Variants in FAM20C observed in about 807,000 individuals in gnomAD.
The protein encoded by FAM20C is extracellular serine/threonine protein kinase FAM20C.
FAM20C carries 40 observed loss-of-function variants against 51.5 expected under a neutral mutation model. The observed-to-expected ratio is 0.78, with a 90% CI of 0.60 to 1.01. The LOEUF (loss-of-function observed/expected upper bound fraction) is 1.01, where lower values mean the gene tolerates loss of function less well. Ranked by LOEUF, FAM20C falls within the 50% of genes least tolerant of loss-of-function variation. FAM20C has a pLI of 0.00. For synonymous variants in FAM20C, 406 were observed against 380.6 expected (o/e 1.07, Z -0.78); for missense variants, 861 against 844.7 (o/e 1.02, Z -0.24).
chr7:241,692 A>C (rs1787951444), intron 3 of FAM20C, among the ~76,000 whole-genome samples: 1 of 152,036 alleles, frequency 6.6e-6, no homozygotes, highest in African/African-American at 2.4e-5. Context: ...CTGTGCACAT[A>C]TGTGTGTGCA....
intron 9 of FAM20C, among the ~76,000 whole-genome samples, chr7:259,238 G>A (rs945123205): frequency 3.4e-5 from 5 of 148,516 alleles, no homozygotes; most frequent in Non-Finnish European, 5.9e-5. Flanking sequence ...CTGGGTGAGC[G>A]GGCCGCCCTC....
intron 3 of FAM20C, among the ~76,000 whole-genome samples, chr7:237,837 A>AGTGATGATGATGGTGGTGGAG (rs1583323531): frequency 0.25 from 28 of 110 alleles, no homozygotes; most frequent in South Asian, 0.5. Context: ...TAATAGTGAT[A>AGTGATGATGATGGTGGTGGAG]GTGATGATGN....
Position 195,711 on chromosome 7 carries a change from TC to T in FAM20C, c.766del (p.Gln256ArgfsTer8), listed in dbSNP as rs758547451. The T allele has an allele frequency of 6.2e-7, 1 of 1,607,430 alleles. No homozygotes were observed. The highest frequency in any genetic ancestry group is 8.5e-7 in the Non-Finnish European group (1 of 1,176,702). On this transcript the variant is annotated frameshift_variant, in exon 2 of 10. Transcript: ENST00000313766. LOFTEE classifies it high-confidence loss of function. ...CGAGGCCCTGCTGCACGACCTCAGC[TC>T]CCAGAGGATCACCAGCGTGGGTAGG... ...AIEALLHDLS[S>X]QRITSVAMKS...
intron 3 of FAM20C, chr7:228,426 C>T (rs1583314777): frequency 2.2e-6 from 1 of 455,872 alleles, no homozygotes; most frequent in African/African-American, 2.0e-5. Flanking sequence ...GAGGAGACCC[C>T]CAAGACTGGC....
At position 260,266 on chromosome 7, in the gene FAM20C, A is replaced by G. The variant is rs1193049224; in HGVS notation, c.*286A>G. 1.1e-5 allele frequency: 4 copies of G among 364,004 alleles called. No individual in the cohort carries two copies. The highest frequency in any genetic ancestry group is 8.5e-5 in the Admixed American group (2 of 23,542). 22.5% of individuals were successfully genotyped at this position (364,004 alleles called of 1,614,324 possible). On this transcript the variant is annotated 3_prime_UTR_variant, in exon 10 of 10. Transcript: ENST00000313766. ...GTAGGGAAAGGAGCCTTTATTTACTATTTTGTATTTATATTTGATGAATAA... is the reference window on the plus strand; with the variant it reads ...GTAGGGAAAGGAGCCTTTATTTACTGTTTTGTATTTATATTTGATGAATAA...
intron 2 of FAM20C, among the ~76,000 whole-genome samples, chr7:204,516 C>A (rs1004043894): frequency 6.6e-6 from 1 of 152,194 alleles, no homozygotes; most frequent in Non-Finnish European, 1.5e-5. Context: ...GGCACGTGAC[C>A]CGGGGTGTGA....
chr7:214,747 G>A (rs1786880889), intron 3 of FAM20C, among the ~76,000 whole-genome samples: 1 of 152,188 alleles, frequency 6.6e-6, no homozygotes, highest in African/African-American at 2.4e-5. Context: ...TTCCAGCTTG[G>A]AGAAGTGGGG....
At position 248,368 on chromosome 7, in the gene FAM20C, C is replaced by T; in HGVS notation, c.1010C>T (p.Thr337Ile). ...PPVAGRMVNMTKEIRDVTRDK... is the reference protein window; with the variant it reads ...PPVAGRMVNMIKEIRDVTRDK... Reference sequence around the variant, plus strand: ...GTGGCCGGCAGGATGGTCAACATGACCAAGGAGATCCGGGACGTCACACGG... The same window carrying T: ...GTGGCCGGCAGGATGGTCAACATGATCAAGGAGATCCGGGACGTCACACGG... The change falls in exon 5 of 10, where the codon ACC becomes ATC. Residue 337 changes from threonine to isoleucine, a missense_variant. Thr to Ile is a moderately conservative substitution (Grantham distance 89). Coordinates refer to ENST00000313766, the MANE Select transcript of FAM20C (RefSeq NM_020223.4). 6.5e-7 allele frequency: 1 copy of T among 1,537,172 alleles called. No individual in the cohort carries two copies. The highest frequency in any genetic ancestry group is 8.7e-7 in the Non-Finnish European group (1 of 1,146,904).
chr7:211,954 C>T (rs987685854), intron 3 of FAM20C, among the ~76,000 whole-genome samples: 6 of 152,166 alleles, frequency 3.9e-5, no homozygotes, highest in African/African-American at 7.2e-5. Flanking sequence ...CAGGTTAGGG[C>T]GTTGGCTGGT....
intron 3 of FAM20C, among the ~76,000 whole-genome samples, chr7:230,708 G>C (rs963060567): frequency 1.3e-5 from 2 of 152,110 alleles, no homozygotes; most frequent in African/African-American, 4.8e-5. Context: ...CACATGGAAA[G>C]TCCTGTGTGT....
chr7:201,730 C>G (rs1307273497), intron 2 of FAM20C, among the ~76,000 whole-genome samples: 4 of 152,218 alleles, frequency 2.6e-5, no homozygotes. Context: ...ATGCCAGCAT[C>G]TCTTGGAGTC....
At chr7:229,962 C>T (rs536415426) in intron 3 of FAM20C, among the ~76,000 whole-genome samples, 45 of 151,990 alleles carry the variant, frequency 3.0e-4, no homozygotes, top group Middle Eastern at 3.4e-3. Flanking sequence ...GAAGGGAATC[C>T]AAGAGAAATG....
At chr7:236,478 G>A (rs1484747902) in intron 3 of FAM20C, among the ~76,000 whole-genome samples, 1 of 152,214 alleles carries the variant, frequency 6.6e-6, no homozygotes, top group Non-Finnish European at 1.5e-5. Context: ...GATCTTCTCA[G>A]GCGTTTACTG....
intron 3 of FAM20C, among the ~76,000 whole-genome samples, chr7:213,705 T>C (rs1205682353): frequency 6.6e-6 from 1 of 152,188 alleles, no homozygotes; most frequent in Non-Finnish European, 1.5e-5. Context: ...CCGGATCACG[T>C]GATAACTGCG....
At position 260,040 on chromosome 7, in the gene FAM20C, C is replaced by T. The variant is rs933794823; in HGVS notation, c.*60C>T. On this transcript the variant is annotated 3_prime_UTR_variant, in exon 10 of 10. Transcript: ENST00000313766. Reference sequence around the variant, plus strand: ...CAGAGGCGCCGGACCTCCCAGCAAGCGCATGCGCCCGTCGTGAATTCAGTG... The same window carrying T: ...CAGAGGCGCCGGACCTCCCAGCAAGTGCATGCGCCCGTCGTGAATTCAGTG... 5.7e-5 allele frequency: 82 copies of T among 1,441,646 alleles called. No individual in the cohort carries two copies. Among genetic ancestry groups the T allele is most frequent in the East Asian group, 4.3e-4 (17 of 39,380 alleles). 89.3% of individuals were successfully genotyped at this position (1,441,646 alleles called of 1,614,324 possible).
intron 2 of FAM20C, among the ~76,000 whole-genome samples, chr7:205,257 C>T (rs1161406810): frequency 1.3e-5 from 2 of 150,068 alleles, no homozygotes; most frequent in East Asian, 1.9e-4. Context: ...CACGCACCAC[C>T]ACGACGTCAG....
intron 2 of FAM20C, among the ~76,000 whole-genome samples, chr7:208,025 G>A (rs536500830): frequency 6.6e-6 from 1 of 152,352 alleles, no homozygotes; most frequent in South Asian, 2.1e-4. Context: ...TGCCTCGCAT[G>A]AGACAGGTGC....
rs559514318 is a variant in FAM20C, at chr7:209,941, G to A, written c.863+965G>A. Among the ~76,000 whole-genome samples the A allele has an allele frequency of 9.8e-5, 15 of 152,320 alleles. No homozygotes were observed. The South Asian group carries it at 2.5e-3, about 25-fold the overall frequency. Reference sequence around the variant, plus strand: ...CTGGACAGATGTCCTGGAGGGACTCGACCGAGGGAGGTGGCCCTGCCCCGG... The same window carrying A: ...CTGGACAGATGTCCTGGAGGGACTCAACCGAGGGAGGTGGCCCTGCCCCGG... On this transcript the variant is annotated intron_variant, in intron 3 of 9. Transcript: ENST00000313766.
chr7:243,077 G>A (rs1243263288), intron 3 of FAM20C, among the ~76,000 whole-genome samples: 9 of 136,788 alleles, frequency 6.6e-5, no homozygotes, highest in Admixed American at 1.4e-4. Context: ...GGAGACCTGT[G>A]CCACCCAAGA....
Sources: gnomAD v4.1 joint callset for allele counts (sites outside exome capture counted in the v4.1 genomes callset) on GRCh38, gnomAD v4.1.1 for gene constraint, MANE v1.5 for transcripts, NCBI Gene and HGNC (gene_info 2026-07-23, HGNC 2026-07-21) for gene names.